Variants in FAM227B observed in about 807,000 individuals in gnomAD.
FAM227B encodes the protein protein FAM227B.
In FAM227B, 88 loss-of-function variants were observed where a neutral mutation model predicts 73.8. The observed-to-expected ratio is 1.19, with a 90% confidence interval of 1.00 to 1.42. The LOEUF is 1.42. FAM227B is among the 40% of genes most tolerant of loss of function. FAM227B has a pLI of 0.00. For missense variants in FAM227B, 632 were observed against 590.9 expected, an observed-to-expected ratio of 1.07 and a Z score of -0.72; for synonymous variants, 210 against 190.5, an observed-to-expected ratio of 1.10 and a Z score of -0.84.
intron 11 of FAM227B, among the ~76,000 whole-genome samples, chr15:49,445,045 A>G (rs2052056487): frequency 6.6e-6 from 1 of 151,562 alleles, no homozygotes; most frequent in African/African-American, 2.4e-5. Context: ...CCTAATTATT[A>G]TATAGATTTC....
chr15:49,424,780 A>G, intron 11 of FAM227B: 2 of 430,148 alleles, frequency 4.6e-6, no homozygotes, highest in African/African-American at 2.0e-5. Flanking sequence ...TACTTACATT[A>G]TAGTTGGACC....
rs1475715605 is a variant in FAM227B, at chr15:49,577,683, A to G, written c.406-19T>C. The G allele has an allele frequency of 7.0e-7, 1 of 1,436,522 alleles. No individual in the cohort carries two copies. The highest frequency in any genetic ancestry group is 2.3e-5 in the East Asian group (1 of 43,612). The allele number at this position is 1,436,522 out of a possible 1,614,324, so 89.0% of individuals were successfully genotyped here. A position where few individuals can be genotyped will look rare whatever the true frequency, so the allele number is the denominator to read the frequency against. ...CTGAAAGCTGGAAAACATTTTAAAT[A>G]AACTCTTTAAAACTCTAAATTAAAG... is the stretch of plus-strand genomic sequence containing the variant. On this transcript the variant is annotated intron_variant, in intron 5 of 15. Coordinates refer to ENST00000299338, the MANE Select transcript of FAM227B (RefSeq NM_152647.3).
At position 49,444,719 on chromosome 15, in the gene FAM227B, C is replaced by G. The variant is rs1399142916; in HGVS notation, c.1012+63492G>C. On this transcript the variant is annotated intron_variant, in intron 11 of 15. Coordinates refer to ENST00000299338, the MANE Select transcript of FAM227B (RefSeq NM_152647.3). Reference sequence around the variant, plus strand: ...TGTGCATATGTTCCGGGGTCTGTCTCAAAGGCTAGAAATAAATTGCAAATA... The same window carrying G: ...TGTGCATATGTTCCGGGGTCTGTCTGAAAGGCTAGAAATAAATTGCAAATA... Among the ~76,000 whole-genome samples the G allele has an allele frequency of 2.0e-4, 30 of 151,744 alleles. 1 individual carries two copies. Among genetic ancestry groups the G allele is most frequent in the Non-Finnish European group, 1.2e-4 (8 of 67,750 alleles).
chr15:49,471,651 C>A (rs1180817710), intron 11 of FAM227B, among the ~76,000 whole-genome samples: 4 of 151,940 alleles, frequency 2.6e-5, no homozygotes, highest in Non-Finnish European at 4.4e-5. Flanking sequence ...ATTTTCTAAT[C>A]AAGAATGGCG....
chr15:49,360,296 T>A (rs146822024), intron 13 of FAM227B, among the ~76,000 whole-genome samples: 1 of 152,120 alleles, frequency 6.6e-6, no homozygotes, highest in Non-Finnish European at 1.5e-5. Context: ...GTGTTTATAG[T>A]AACATTGTAC....
chr15:49,506,609 GT>G (rs1391482423), intron 11 of FAM227B, among the ~76,000 whole-genome samples: 2 of 151,034 alleles, frequency 1.3e-5, no homozygotes, highest in Non-Finnish European at 1.5e-5. Context: ...GACCACAGTA[GT>G]TTTTTTTTAA....
intron 10 of FAM227B, among the ~76,000 whole-genome samples, chr15:49,516,738 C>T (rs569853294): frequency 2.0e-5 from 3 of 151,968 alleles, no homozygotes; most frequent in South Asian, 2.1e-4. Context: ...ATGTTCTAAT[C>T]CCCCAAAACT....
At chr15:49,575,204 G>A in intron 7 of FAM227B, 95 bp from the exon 8 acceptor site, 1 of 648,838 alleles carries the variant, frequency 1.5e-6, no homozygotes, top group Non-Finnish European at 2.6e-6. Context: ...TGCTTTCATT[G>A]CTTATAGATC....
intron 13 of FAM227B, among the ~76,000 whole-genome samples, chr15:49,352,422 G>T (rs1306510633): frequency 6.6e-6 from 1 of 152,180 alleles, no homozygotes; most frequent in African/African-American, 2.4e-5. Flanking sequence ...ATCTGCCATA[G>T]GACTTATGTT....
At chr15:49,545,700 T>C (rs937540655) in intron 9 of FAM227B, among the ~76,000 whole-genome samples, 5 of 152,138 alleles carry the variant, frequency 3.3e-5, no homozygotes, top group African/African-American at 4.8e-5. Flanking sequence ...TCAGTATTAC[T>C]GTTCAGTTCA....
chr15:49,597,922 G>GA (rs1390224597), intron 3 of FAM227B, among the ~76,000 whole-genome samples: 2 of 151,086 alleles, frequency 1.3e-5, no homozygotes, highest in Non-Finnish European at 3.0e-5. Flanking sequence ...ATTAAACCAG[G>GA]AAAAAAATAG....
At chr15:49,361,704 C>G (rs1288832826) in intron 13 of FAM227B, among the ~76,000 whole-genome samples, 1 of 152,128 alleles carries the variant, frequency 6.6e-6, no homozygotes, top group Non-Finnish European at 1.5e-5. Flanking sequence ...TTGCAATGAG[C>G]ATACGCGTGA....
chr15:49,365,858 A>C (rs2045079768), intron 13 of FAM227B: 1 of 904,748 alleles, frequency 1.1e-6, no homozygotes, highest in South Asian at 1.3e-5. Flanking sequence ...TCAATTGTGC[A>C]TTGTCCATAT....
chr15:49,594,873 G>C (rs1008971627), intron 3 of FAM227B, among the ~76,000 whole-genome samples: 1 of 152,000 alleles, frequency 6.6e-6, no homozygotes, highest in African/African-American at 2.4e-5. Context: ...CTCCAGATTT[G>C]TTCTTTTTGC....
At chr15:49,407,689 T>A (rs1011499636) in intron 11 of FAM227B, among the ~76,000 whole-genome samples, 3 of 148,488 alleles carry the variant, frequency 2.0e-5, no homozygotes, top group Admixed American at 6.7e-5. Context: ...AATATATATA[T>A]AATATGTATT....
At chr15:49,342,724 T>C (rs1281100660) in intron 13 of FAM227B, among the ~76,000 whole-genome samples, 1 of 152,212 alleles carries the variant, frequency 6.6e-6, no homozygotes, top group African/African-American at 2.4e-5. Flanking sequence ...ACAGGTCTAG[T>C]GGCAATGAAT....
At chr15:49,521,253 G>C (rs936744626) in intron 10 of FAM227B, among the ~76,000 whole-genome samples, 1 of 152,206 alleles carries the variant, frequency 6.6e-6, no homozygotes, top group Non-Finnish European at 1.5e-5. Flanking sequence ...CCAGCCAGAC[G>C]CTAGGGAGCT....
intron 7 of FAM227B, among the ~76,000 whole-genome samples, chr15:49,575,424 T>C (rs2075384620): frequency 6.6e-6 from 1 of 152,088 alleles, no homozygotes; most frequent in Non-Finnish European, 1.5e-5. Context: ...ATACGGTATA[T>C]ATTTTTGATA....
At chr15:49,522,334 T>C (rs1050140172) in intron 10 of FAM227B, among the ~76,000 whole-genome samples, 1 of 152,162 alleles carries the variant, frequency 6.6e-6, no homozygotes, top group African/African-American at 2.4e-5. Context: ...AAATAAGAAG[T>C]GATAGCTTCT....
Sources: gnomAD v4.1 joint callset for allele counts (sites outside exome capture counted in the v4.1 genomes callset) on GRCh38, gnomAD v4.1.1 for gene constraint, MANE v1.5 for transcripts, NCBI Gene and HGNC (gene_info 2026-07-23, HGNC 2026-07-21) for gene names.